The following HMCN1 variants were observed in gnomAD, a reference collection of about 807,000 sequenced individuals.
HMCN1 encodes the protein hemicentin 1.
In HMCN1, 321 loss-of-function variants were observed where a neutral mutation model predicts 625.9. The ratio of observed to expected loss-of-function variants is 0.51; its 90% CI spans 0.47 to 0.56. The LOEUF (loss-of-function observed/expected upper bound fraction) is 0.56, where lower values mean the gene tolerates loss of function less well. Ranked by LOEUF, HMCN1 falls within the 20% of genes least tolerant of loss-of-function variation. The pLI is 0.00. For missense variants in HMCN1, 6,588 were observed against 6,887.3 expected (o/e 0.96, Z 1.54); for synonymous variants, 2,425 against 2,417.6 (o/e 1.00, Z -0.09).
intron 4 of HMCN1, among the ~76,000 whole-genome samples, chr1:185,900,634 A>C (rs1665751199): frequency 6.6e-6 from 1 of 151,938 alleles, no homozygotes. Flanking sequence ...GGAATCCTCC[A>C]ATTTATCTGC....
chr1:185,930,839 A>G lies in HMCN1; in HGVS notation c.1552+2172A>G, dbSNP rs755154333. 8.9e-4 allele frequency among the ~76,000 whole-genome samples: 135 copies of G among 152,060 alleles called. 1 individual carries two copies. The highest frequency in any genetic ancestry group is 1.5e-3 in the Non-Finnish European group (102 of 67,988). On this transcript the variant is annotated intron_variant, in intron 10 of 106. Coordinates refer to ENST00000271588, the MANE Select transcript of HMCN1 (RefSeq NM_031935.3). ...TTCTTTTCATTACATTTGGTAGTTT[A>G]GTTTGATACTAAGTTATATTAATTA...
At position 185,734,477 on chromosome 1, in the gene HMCN1, G is replaced by A; in HGVS notation, c.-303G>A. 2 of 362,102 alleles carry A rather than the reference G, an allele frequency of 5.5e-6. No individual in the cohort carries two copies. The highest frequency in any genetic ancestry group is 1.0e-5 in the Non-Finnish European group (2 of 198,758). 22.4% of individuals were successfully genotyped at this position (362,102 alleles called of 1,614,324 possible). On this transcript the variant is annotated 5_prime_UTR_variant, in exon 1 of 107. Coordinates refer to ENST00000271588, the MANE Select transcript of HMCN1 (RefSeq NM_031935.3). ...GCCGCAGGCTCAGAGCTGCCCCCGG[G>A]GCATGGACCCGACGCGCCGCCCGCA...
chr1:186,177,623 C>T (rs764320477), intron 103 of HMCN1, among the ~76,000 whole-genome samples: 16 of 152,048 alleles, frequency 1.1e-4, no homozygotes, highest in African/African-American at 1.7e-4. Context: ...AAGACCAAGT[C>T]ATTTAAATAA....
intron 1 of HMCN1, among the ~76,000 whole-genome samples, chr1:185,771,215 G>C (rs1656218985): frequency 6.6e-6 from 1 of 152,144 alleles, no homozygotes; most frequent in Non-Finnish European, 1.5e-5. Context: ...CTGTATCCTT[G>C]CATCATGCCC....
chr1:185,931,144 A>G (rs1240519161), intron 10 of HMCN1, among the ~76,000 whole-genome samples: 1 of 152,154 alleles, frequency 6.6e-6, no homozygotes, highest in Non-Finnish European at 1.5e-5. Flanking sequence ...TTTATGATCA[A>G]ATGGGTAGAT....
At chr1:186,021,794 A>G (rs1211941168) in intron 35 of HMCN1, among the ~76,000 whole-genome samples, 2 of 152,046 alleles carry the variant, frequency 1.3e-5, no homozygotes, top group African/African-American at 4.8e-5. Flanking sequence ...AAATTGGTTA[A>G]AGGATCAAAT....
chr1:185,785,079 A>G (rs1274438641), intron 1 of HMCN1, among the ~76,000 whole-genome samples: 1 of 152,176 alleles, frequency 6.6e-6, no homozygotes, highest in African/African-American at 2.4e-5. Flanking sequence ...ATCTATCTTC[A>G]TGTTAATGAA....
At chr1:186,019,425 T>C (rs1654569290) in intron 34 of HMCN1, 116 bp from the exon 35 acceptor site, 2 of 754,956 alleles carry the variant, frequency 2.6e-6, no homozygotes, top group East Asian at 2.5e-5. Context: ...ATTGTTAAAA[T>C]AGGGATTTGC....
At chr1:186,147,423 T>C (rs1459838711) in intron 93 of HMCN1, among the ~76,000 whole-genome samples, 5 of 151,968 alleles carry the variant, frequency 3.3e-5, no homozygotes, top group Non-Finnish European at 5.9e-5. Context: ...ATTTTTTTCT[T>C]TAATTCGTGG....
At chr1:185,883,879 A>ATTTTTTTTTTTTTTTTTTTTT (rs1205211897) in intron 4 of HMCN1, among the ~76,000 whole-genome samples, 1 of 55,934 alleles carries the variant, frequency 1.8e-5, no homozygotes, top group East Asian at 7.4e-4. Flanking sequence ...ATAGGTCATG[A>ATTTTTTTTTTTTTTTTTTTTT]TTTTTTTTTT....
chr1:186,053,192 T>C, intron 43 of HMCN1, 118 bp downstream of exon 43: 1 of 894,786 alleles, frequency 1.1e-6, no homozygotes, highest in African/African-American at 1.7e-5. Context: ...TACTAAATGC[T>C]AGACAGCAAA....
chr1:185,860,831 A>C (rs1662824373), intron 2 of HMCN1, among the ~76,000 whole-genome samples: 1 of 152,216 alleles, frequency 6.6e-6, no homozygotes, highest in Non-Finnish European at 1.5e-5. Context: ...CCTCATATAC[A>C]TAAAGCTCCA....
chr1:185,926,149 A>G (rs189319780), intron 9 of HMCN1, among the ~76,000 whole-genome samples: 1 of 152,358 alleles, frequency 6.6e-6, no homozygotes, highest in East Asian at 1.9e-4. Context: ...TGTGAAACAA[A>G]CAACATTTTG....
rs377759781 is a variant in HMCN1 at position 186,108,494 on chromosome 1, G to A, written c.10886G>A (p.Arg3629Gln). The A allele has an allele frequency of 1.5e-5, 24 of 1,613,902 alleles. No individual in the cohort carries two copies. Among genetic ancestry groups the A allele is most frequent in the African/African-American group, 6.7e-5 (5 of 74,872 alleles). Reference protein sequence around the residue: ...PPNIAGTDEPRDITVLRNRQV... With the variant: ...PPNIAGTDEPQDITVLRNRQV... ...AATATTGCTGGAACTGATGAGCCCC[G>A]GGATATCACTGTGTTACGGAACAGA... The change falls in exon 71 of 107, where the codon CGG (arginine) becomes CAG (glutamine). Residue 3629 changes from arginine to glutamine, a missense_variant. Arg to Gln is a conservative substitution (Grantham distance 43). Around this residue, in one of 3 missense-constraint regions of HMCN1, gnomAD observed 4,628 missense variants for 4,853.1 expected, o/e 0.95. Transcript: ENST00000271588.
At chr1:185,982,209 C>T in intron 17 of HMCN1, 53 bp from the exon 18 acceptor site, 3 of 1,602,330 alleles carry the variant, frequency 1.9e-6, no homozygotes, top group Non-Finnish European at 2.6e-6. Flanking sequence ...AGTGGCTTAC[C>T]TTTCTTTTGG....
chr1:185,929,380 GA>G lies in HMCN1; in HGVS notation c.1552+720del, dbSNP rs371503631. Among the ~76,000 whole-genome samples the G allele has an allele frequency of 1.9e-3, 291 of 152,054 alleles. 6 individuals are homozygous for G. In the East Asian group the frequency reaches 0.052, roughly 27 times the overall value. On this transcript the variant is annotated intron_variant, in intron 10 of 106. Transcript: ENST00000271588. The stretch of plus-strand genomic sequence containing the variant: ...CATATTATTTTATATACATTAAAGT[GA>G]AAAAAATAATTTTTCCTCACATAAT...
At chr1:185,945,827 T>G in intron 11 of HMCN1, among the ~76,000 whole-genome samples, 1 of 152,194 alleles carries the variant, frequency 6.6e-6, no homozygotes, top group East Asian at 1.9e-4. Context: ...AAACCCATAA[T>G]GATGTGATTT....
At chr1:185,831,644 A>C (rs73072073) in intron 1 of HMCN1, among the ~76,000 whole-genome samples, 4,683 of 152,246 alleles carry the variant, frequency 0.031, 260 homozygotes, top group African/African-American at 0.11. Flanking sequence ...ACAGTAAAAA[A>C]TTCAGTAGAG....
At chr1:186,101,185 A>G (rs1660369026) in intron 68 of HMCN1, among the ~76,000 whole-genome samples, 1 of 152,110 alleles carries the variant, frequency 6.6e-6, no homozygotes, top group South Asian at 2.1e-4. Context: ...CATTAAGTAA[A>G]TGGTATTGTA....
Sources: allele counts gnomAD v4.1 joint callset (sites outside exome capture counted in the v4.1 genomes callset), GRCh38; gene constraint gnomAD v4.1.1; regional missense constraint gnomAD v4.1.1; transcripts MANE v1.5; gene names NCBI Gene and HGNC (gene_info 2026-07-23, HGNC 2026-07-21).